Variants in KCNIP4 observed in about 807,000 individuals in gnomAD.
The protein encoded by KCNIP4 is Kv channel-interacting protein 4.
In KCNIP4, 12 loss-of-function variants were observed where a neutral mutation model predicts 34.0. The ratio of observed to expected loss-of-function variants is 0.35; its 90% CI spans 0.23 to 0.57. The LOEUF is 0.57. KCNIP4 is among the 20% of genes least tolerant of loss of function. The pLI, the probability that KCNIP4 is intolerant of heterozygous loss-of-function variation, is 0.83. For synonymous variants in KCNIP4, 124 were observed against 102.2 expected, an observed-to-expected ratio of 1.21 and a Z score of -1.29; for missense variants, 238 against 311.7, an observed-to-expected ratio of 0.76 and a Z score of 1.78.
At chr4:21,119,651 A>G (rs564660795) in intron 1 of KCNIP4, among the ~76,000 whole-genome samples, 2 of 152,090 alleles carry the variant, frequency 1.3e-5, no homozygotes, top group Admixed American at 1.3e-4. Context: ...GTACATTTTT[A>G]AATCATAGAA....
chr4:21,692,956 G>C (rs1711836119), intron 1 of KCNIP4, among the ~76,000 whole-genome samples: 1 of 151,166 alleles, frequency 6.6e-6, no homozygotes. Context: ...TGGCTGGGCT[G>C]GGGGATGAGA....
chr4:21,487,757 A>AC (rs1379721073), intron 1 of KCNIP4, among the ~76,000 whole-genome samples: 5 of 152,180 alleles, frequency 3.3e-5, no homozygotes, highest in Non-Finnish European at 5.9e-5. Context: ...GTAATACAAT[A>AC]CCACATAGCT....
At chr4:21,715,345 T>G (rs944172418) in intron 1 of KCNIP4, among the ~76,000 whole-genome samples, 1 of 152,070 alleles carries the variant, frequency 6.6e-6, no homozygotes, top group Non-Finnish European at 1.5e-5. Flanking sequence ...TTGGCCAGGA[T>G]GGTCTTGCTC....
chr4:21,595,107 A>C (rs756835213), intron 1 of KCNIP4, among the ~76,000 whole-genome samples: 1 of 152,106 alleles, frequency 6.6e-6, no homozygotes, highest in Non-Finnish European at 1.5e-5. Flanking sequence ...TCCCACATAC[A>C]TTAGCTATTT....
At chr4:21,802,189 C>A (rs1022926930) in intron 1 of KCNIP4, among the ~76,000 whole-genome samples, 2 of 129,674 alleles carry the variant, frequency 1.5e-5, no homozygotes, top group African/African-American at 2.5e-5. Flanking sequence ...ATGTTAAAAT[C>A]TGACTTTCTC....
intron 1 of KCNIP4, among the ~76,000 whole-genome samples, chr4:20,907,406 A>G (rs1411536083): frequency 6.6e-6 from 1 of 152,234 alleles, no homozygotes; most frequent in African/African-American, 2.4e-5. Flanking sequence ...TTATCTGTTT[A>G]AATTTCTATA....
At chr4:21,578,869 A>G (rs1009128724) in intron 1 of KCNIP4, among the ~76,000 whole-genome samples, 10 of 152,198 alleles carry the variant, frequency 6.6e-5, no homozygotes, top group African/African-American at 2.4e-4. Context: ...ACCTTCTTAA[A>G]GTACATTTGT....
intron 1 of KCNIP4, among the ~76,000 whole-genome samples, chr4:21,818,239 G>C (rs932719842): frequency 6.6e-6 from 1 of 152,094 alleles, no homozygotes; most frequent in Admixed American, 6.6e-5. Flanking sequence ...AAATATTGGG[G>C]GTGGGTTCCC....
chr4:20,854,725 G>A (rs1481627851), intron 2 of KCNIP4, among the ~76,000 whole-genome samples: 1 of 152,118 alleles, frequency 6.6e-6, no homozygotes, highest in Non-Finnish European at 1.5e-5. Context: ...AAAATAAAAT[G>A]TTCATATTAG....
At chr4:20,823,028 T>A (rs1425348767) in intron 3 of KCNIP4, among the ~76,000 whole-genome samples, 1 of 152,190 alleles carries the variant, frequency 6.6e-6, no homozygotes, top group Non-Finnish European at 1.5e-5. Context: ...CACCAGACAC[T>A]TGATCTGCCA....
At position 21,491,089 on chromosome 4, in the gene KCNIP4, C is replaced by T. The variant is rs1323218852; in HGVS notation, c.61+457482G>A. Among the ~76,000 whole-genome samples, 6 of 152,028 alleles carry T rather than the reference C, an allele frequency of 3.9e-5. No homozygotes were observed. The East Asian group carries it at 1.2e-3, about 29-fold the overall frequency. On this transcript the variant is annotated intron_variant, in intron 1 of 8. Coordinates refer to ENST00000382152, the MANE Select transcript of KCNIP4 (RefSeq NM_025221.6). ...GATTATAGGAACGACAGTTTGCATA[C>T]AGGTAGAATATGCCAGATGTGACAG...
chr4:21,658,600 A>G lies in KCNIP4; in HGVS notation c.61+289971T>C, dbSNP rs1187988645. On this transcript the variant is annotated intron_variant, in intron 1 of 8. Coordinates refer to ENST00000382152, the MANE Select transcript of KCNIP4 (RefSeq NM_025221.6). ...ATATTTTTAGTAGAGACGGGGTTTC[A>G]CCATGTTGGCCAGGCTGGTCTTGGA... Among the ~76,000 whole-genome samples the G allele has an allele frequency of 2.0e-5, 3 of 152,142 alleles. No homozygotes were observed. The East Asian group carries it at 5.8e-4, about 30-fold the overall frequency.
intron 1 of KCNIP4, among the ~76,000 whole-genome samples, chr4:21,866,102 T>G (rs1725398100): frequency 6.6e-6 from 1 of 152,170 alleles, no homozygotes; most frequent in Non-Finnish European, 1.5e-5. Flanking sequence ...TGGATTTAAA[T>G]AAAGCTTGCA....
intron 1 of KCNIP4, among the ~76,000 whole-genome samples, chr4:21,077,661 C>T (rs916981594): frequency 2.0e-5 from 3 of 152,122 alleles, no homozygotes; most frequent in African/African-American, 7.2e-5. Context: ...GCCATATCTA[C>T]TTCTCAGTGT....
chr4:21,936,315 G>A (rs763958577), intron 1 of KCNIP4, among the ~76,000 whole-genome samples: 42 of 152,152 alleles, frequency 2.8e-4, no homozygotes, highest in South Asian at 8.3e-4. Flanking sequence ...AGGGGCTTCC[G>A]CTTTTGCTTG....
chr4:21,416,129 G>C (rs774572603), intron 1 of KCNIP4, among the ~76,000 whole-genome samples: 2 of 152,172 alleles, frequency 1.3e-5, no homozygotes, highest in South Asian at 4.1e-4. Flanking sequence ...ATTTAATTAG[G>C]ATTTGAAAGT....
intron 1 of KCNIP4, among the ~76,000 whole-genome samples, chr4:21,238,724 A>C (rs1759563102): frequency 6.6e-6 from 1 of 152,212 alleles, no homozygotes; most frequent in Non-Finnish European, 1.5e-5. Flanking sequence ...CAATGAAATA[A>C]AAGAGGATAC....
chr4:20,965,944 T>A (rs1288525232), intron 1 of KCNIP4, among the ~76,000 whole-genome samples: 1 of 152,180 alleles, frequency 6.6e-6, no homozygotes, highest in African/African-American at 2.4e-5. Flanking sequence ...CAAAGAGAGC[T>A]TTAGCTATAT....
At chr4:21,071,750 G>A (rs944426366) in intron 1 of KCNIP4, among the ~76,000 whole-genome samples, 17 of 151,938 alleles carry the variant, frequency 1.1e-4, no homozygotes, top group Admixed American at 9.2e-4. Context: ...CCATTAACTC[G>A]TCATTTACAT....
Sources: gnomAD v4.1 joint callset for allele counts (sites outside exome capture counted in the v4.1 genomes callset) on GRCh38, gnomAD v4.1.1 for gene constraint, MANE v1.5 for transcripts, NCBI Gene and HGNC (gene_info 2026-07-23, HGNC 2026-07-21) for gene names.